ARHGAP26: variants seen among roughly 807,000 people sequenced by gnomAD.
ARHGAP26 encodes the protein Rho GTPase activating protein 26, also known as rho GTPase-activating protein 26.
Under a neutral mutation model 104.8 loss-of-function variants are expected in ARHGAP26, and 38 were observed. The observed-to-expected ratio is 0.36, with a 90% CI of 0.28 to 0.48. The LOEUF is 0.48. Ranked by LOEUF, ARHGAP26 falls within the 20% of genes least tolerant of loss-of-function variation. The pLI is 0.99. For missense variants in ARHGAP26, 704 were observed against 947.9 expected, an observed-to-expected ratio of 0.74 and a Z score of 3.38; for synonymous variants, 341 against 340.0, an observed-to-expected ratio of 1.00 and a Z score of -0.03.
intron 19 of ARHGAP26, among the ~76,000 whole-genome samples, chr5:143,139,510 C>A (rs1390829427): frequency 2.0e-5 from 3 of 152,268 alleles, no homozygotes; most frequent in South Asian, 2.1e-4. Flanking sequence ...GCAATGAAAA[C>A]CATCTGTTCC....
At chr5:142,887,651 C>T (rs1757910333) in intron 5 of ARHGAP26, among the ~76,000 whole-genome samples, 1 of 152,164 alleles carries the variant, frequency 6.6e-6, no homozygotes, top group African/African-American at 2.4e-5. Context: ...GATTGGGTTC[C>T]AGATCTTGCA....
At chr5:143,044,281 T>G (rs545862760) in intron 14 of ARHGAP26, among the ~76,000 whole-genome samples, 1 of 152,294 alleles carries the variant, frequency 6.6e-6, no homozygotes, top group African/African-American at 2.4e-5. Context: ...TCTTTACTTT[T>G]GCTAGATCCT....
chr5:142,940,955 G>A (rs970161851), intron 11 of ARHGAP26, among the ~76,000 whole-genome samples: 2 of 151,130 alleles, frequency 1.3e-5, no homozygotes, highest in African/African-American at 4.9e-5. Context: ...GGTGCCTGTA[G>A]TCCCAGCTAC....
chr5:142,800,199 A>T, intron 1 of ARHGAP26, among the ~76,000 whole-genome samples: 1 of 152,292 alleles, frequency 6.6e-6, no homozygotes, highest in East Asian at 1.9e-4. Context: ...TGAAAGGCTT[A>T]AAGATTGAGC....
At chr5:142,873,809 A>G (rs929051526) in intron 2 of ARHGAP26, among the ~76,000 whole-genome samples, 2 of 152,138 alleles carry the variant, frequency 1.3e-5, no homozygotes, top group Non-Finnish European at 2.9e-5. Flanking sequence ...TAGTACTAAG[A>G]GCTTAGAGCA....
At chr5:142,973,650 C>T (rs1303333338) in intron 11 of ARHGAP26, among the ~76,000 whole-genome samples, 1 of 152,124 alleles carries the variant, frequency 6.6e-6, no homozygotes, top group Non-Finnish European at 1.5e-5. Flanking sequence ...AGTAATAAAA[C>T]CCAGTTAAGT....
At chr5:143,189,210 A>G (rs1245258842) in intron 20 of ARHGAP26, among the ~76,000 whole-genome samples, 2 of 152,234 alleles carry the variant, frequency 1.3e-5, no homozygotes, top group South Asian at 2.1e-4. Flanking sequence ...TTCACATAGT[A>G]TTCTGGGAAA....
At chr5:142,916,775 C>T (rs1762539171) in intron 10 of ARHGAP26, among the ~76,000 whole-genome samples, 1 of 152,140 alleles carries the variant, frequency 6.6e-6, no homozygotes, top group Admixed American at 6.5e-5. Context: ...CAATAAAACC[C>T]CTGCCTTTTT....
intron 1 of ARHGAP26, among the ~76,000 whole-genome samples, chr5:142,821,914 C>T (rs1425690631): frequency 6.6e-6 from 1 of 152,142 alleles, no homozygotes; most frequent in Non-Finnish European, 1.5e-5. Flanking sequence ...GAATTTTTGT[C>T]CTACATAGAT....
chr5:142,835,925 C>T (rs764691079), intron 1 of ARHGAP26, among the ~76,000 whole-genome samples: 3 of 152,226 alleles, frequency 2.0e-5, no homozygotes, highest in African/African-American at 4.8e-5. Context: ...TTTAGTATTA[C>T]ACCCATTTTA....
intron 17 of ARHGAP26, among the ~76,000 whole-genome samples, chr5:143,084,150 G>T (rs907108736): frequency 6.6e-6 from 1 of 152,332 alleles, no homozygotes; most frequent in African/African-American, 2.4e-5. Context: ...TTAATGACCC[G>T]ACTGTAGGGG....
chr5:142,797,076 T>C (rs1761123566), intron 1 of ARHGAP26, among the ~76,000 whole-genome samples: 1 of 152,240 alleles, frequency 6.6e-6, no homozygotes, highest in South Asian at 2.1e-4. Flanking sequence ...AGAGTCTTTG[T>C]TCAGTGGACA....
chr5:142,801,277 C>T (rs1034051460), intron 1 of ARHGAP26, among the ~76,000 whole-genome samples: 1 of 152,192 alleles, frequency 6.6e-6, no homozygotes, highest in Non-Finnish European at 1.5e-5. Context: ...CACATCTGTG[C>T]TATTCTAGTG....
At chr5:142,918,695 C>T (rs527292746) in intron 10 of ARHGAP26, among the ~76,000 whole-genome samples, 1 of 152,086 alleles carries the variant, frequency 6.6e-6, no homozygotes, top group Admixed American at 6.6e-5. Flanking sequence ...CTACTGAGGA[C>T]CCTAGGATTA....
chr5:142,926,230 A>C (rs555064630), intron 10 of ARHGAP26, among the ~76,000 whole-genome samples: 40 of 152,198 alleles, frequency 2.6e-4, no homozygotes, highest in African/African-American at 9.6e-4. Context: ...TTGGGTAGCA[A>C]CTTGCCCTGT....
intron 1 of ARHGAP26, among the ~76,000 whole-genome samples, chr5:142,780,916 C>T (rs1046399956): frequency 4.6e-5 from 7 of 152,208 alleles, no homozygotes; most frequent in African/African-American, 1.4e-4. Flanking sequence ...GCTTCTCCTG[C>T]AGAGCTTAGC....
Position 143,228,267 on chromosome 5 carries a change from C to A in ARHGAP26, c.*5821C>A. ...TGTGTGTATGTGTGTGTATACAGCA[C>A]ATATTTACATCTATGAAGACATAGA... On this transcript the variant is annotated 3_prime_UTR_variant, in exon 23 of 23. Transcript: ENST00000645722. 4.5e-6 allele frequency: 1 copy of A among 224,300 alleles called. No individual in the cohort carries two copies. 13.9% of individuals were successfully genotyped at this position (224,300 alleles called of 1,614,324 possible).
chr5:142,820,613 C>A (rs1166687471), intron 1 of ARHGAP26, among the ~76,000 whole-genome samples: 6 of 152,156 alleles, frequency 3.9e-5, no homozygotes, highest in African/African-American at 1.2e-4. Flanking sequence ...AGGGGTGTAT[C>A]TGTGCAGCAG....
intron 12 of ARHGAP26, among the ~76,000 whole-genome samples, chr5:143,032,762 T>C (rs991971433): frequency 6.6e-6 from 1 of 152,188 alleles, no homozygotes; most frequent in African/African-American, 2.4e-5. Context: ...AAAACCGTTG[T>C]TAATTATTAG....
Sources: gnomAD v4.1 joint callset for allele counts (sites outside exome capture counted in the v4.1 genomes callset) on GRCh38, gnomAD v4.1.1 for gene constraint, MANE v1.5 for transcripts, NCBI Gene and HGNC (gene_info 2026-07-23, HGNC 2026-07-21) for gene names.